Variants in NOX3 observed in about 807,000 individuals in gnomAD.
NOX3 encodes NADPH oxidase 3, also known as NADPH oxidase catalytic subunit-like 3.
Under a neutral mutation model 76.7 loss-of-function variants are expected in NOX3, and 74 were observed. That is an observed-to-expected ratio of 0.96 (90% CI 0.80 to 1.17). The LOEUF (loss-of-function observed/expected upper bound fraction) is 1.17. NOX3 is among the 50% of genes most tolerant of loss of function. The pLI is 0.00. For synonymous variants in NOX3, 263 were observed against 261.1 expected, an observed-to-expected ratio of 1.01 and a Z score of -0.07; for missense variants, 695 against 703.3, an observed-to-expected ratio of 0.99 and a Z score of 0.13.
intron 10 of NOX3, among the ~76,000 whole-genome samples, chr6:155,413,523 G>A (rs1329433874): frequency 2.6e-5 from 4 of 152,112 alleles, no homozygotes; most frequent in African/African-American, 9.7e-5. Context: ...GAGGGTGGGG[G>A]AGGAGGAAAG....
chr6:155,403,310 C>T (rs1446856280), intron 12 of NOX3, among the ~76,000 whole-genome samples: 1 of 152,188 alleles, frequency 6.6e-6, no homozygotes, highest in Non-Finnish European at 1.5e-5. Context: ...AAGCTTTTGA[C>T]CGAAGGCTTG....
intron 9 of NOX3, among the ~76,000 whole-genome samples, chr6:155,427,744 G>A (rs1776776260): frequency 6.6e-6 from 1 of 152,136 alleles, no homozygotes; most frequent in Admixed American, 6.5e-5. Context: ...TTCTTCCAGA[G>A]CCCCAAATGT....
At chr6:155,443,154 C>T in intron 5 of NOX3, 119 bp downstream of exon 5, 1 of 1,082,142 alleles carries the variant, frequency 9.2e-7, no homozygotes, top group Non-Finnish European at 1.3e-6. Flanking sequence ...AACAAATTCA[C>T]ATATAAATTC....
chr6:155,434,384 C>A (rs1776874814), intron 7 of NOX3, among the ~76,000 whole-genome samples: 1 of 152,086 alleles, frequency 6.6e-6, no homozygotes, highest in African/African-American at 2.4e-5. Flanking sequence ...CAGCAGCAAA[C>A]CAGGAATCTG....
chr6:155,445,976 AT>A (rs1464164788), intron 4 of NOX3, among the ~76,000 whole-genome samples: 18 of 77,704 alleles, frequency 2.3e-4, no homozygotes, highest in Middle Eastern at 6.0e-3. Context: ...TATAATATAT[AT>A]ATGCTATATA....
Position 155,431,551 on chromosome 6 carries a change from G to A in NOX3, c.799-616C>T, listed in dbSNP as rs556014011. Among the ~76,000 whole-genome samples, 137 of 152,158 alleles carry A rather than the reference G, an allele frequency of 9.0e-4. 1 individual carries two copies. The highest frequency in any genetic ancestry group is 3.1e-3 in the African/African-American group (129 of 41,494). On this transcript the variant is annotated intron_variant, in intron 7 of 13. Coordinates refer to ENST00000159060, the MANE Select transcript of NOX3 (RefSeq NM_015718.3). Reference sequence around the variant, plus strand: ...TAATTGTCTAGAGAATTGTGATGGTGAAAATGTCCATTTTAAACAAATCAG... The same window carrying A: ...TAATTGTCTAGAGAATTGTGATGGTAAAAATGTCCATTTTAAACAAATCAG...
intron 7 of NOX3, 88 bp downstream of exon 7, chr6:155,436,330 A>G: frequency 1.4e-6 from 2 of 1,469,478 alleles, no homozygotes; most frequent in Non-Finnish European, 1.9e-6. Context: ...TAGTGGTGAA[A>G]TGTGCTTTCT....
intron 6 of NOX3, among the ~76,000 whole-genome samples, chr6:155,438,098 C>A (rs559398169): frequency 6.6e-6 from 1 of 151,994 alleles, no homozygotes; most frequent in Admixed American, 6.6e-5. Context: ...ATGTGGGGGA[C>A]GTATGTTTAG....
intron 4 of NOX3, among the ~76,000 whole-genome samples, chr6:155,453,019 A>G (rs1250283435): frequency 1.3e-5 from 2 of 152,150 alleles, no homozygotes; most frequent in Non-Finnish European, 2.9e-5. Context: ...ATTGCCCACA[A>G]TACTATTTGA....
At position 155,428,967 on chromosome 6, in the gene NOX3, C is replaced by G. The variant is rs754981877; in HGVS notation, c.972G>C (p.Leu324Phe). The G allele has an allele frequency of 5.1e-5, 83 of 1,613,866 alleles. No homozygotes were observed. Among genetic ancestry groups the G allele is most frequent in the South Asian group, 1.8e-4 (16 of 91,052 alleles). ...GFKMAPGQYI[L>F]VQCPAISSLE... ...GCGAAGATATGGCTGGGCACTGCAC[C>G]AAGATGTACTGCCCTGGCGCCATTT... The change falls in exon 9 of 14, where the codon TTG becomes TTC. Residue 324 changes from leucine (L) to phenylalanine (F), a missense_variant. Transcript: ENST00000159060.
At chr6:155,445,990 TATATATA>T (rs1437631055) in intron 4 of NOX3, among the ~76,000 whole-genome samples, 94 of 126,984 alleles carry the variant, frequency 7.4e-4, no homozygotes, top group African/African-American at 2.6e-3. Flanking sequence ...GCTATATATA[TATATATA>T]ATATATATAT....
intron 10 of NOX3, among the ~76,000 whole-genome samples, chr6:155,414,573 A>AT (rs1340691836): frequency 2.9e-4 from 38 of 131,248 alleles, no homozygotes; most frequent in African/African-American, 8.4e-4. Flanking sequence ...TAATAAAATT[A>AT]TTTTTTTTTA....
intron 12 of NOX3, among the ~76,000 whole-genome samples, chr6:155,397,274 TC>T (rs1395599958): frequency 1.3e-5 from 2 of 152,072 alleles, no homozygotes; most frequent in Non-Finnish European, 2.9e-5. Context: ...ATGGCAGAGT[TC>T]AGTAGTTGAG....
rs968516370 is a variant in NOX3 at position 155,412,329 on chromosome 6, T to C, written c.1309-969A>G. Among the ~76,000 whole-genome samples the C allele has an allele frequency of 4.6e-5, 7 of 152,192 alleles. No homozygotes were observed. In the South Asian group the frequency reaches 1.0e-3, roughly 23 times the overall value. On this transcript the variant is annotated intron_variant, in intron 10 of 13. Coordinates refer to ENST00000159060, the MANE Select transcript of NOX3 (RefSeq NM_015718.3). ...GCCAGCTTGTAAGCTCACGATCATATAATCAGAGATATAAATGAGATTTAA... is the reference window on the plus strand; with the variant it reads ...GCCAGCTTGTAAGCTCACGATCATACAATCAGAGATATAAATGAGATTTAA...
chr6:155,422,183 C>T (rs1337199952), intron 10 of NOX3, among the ~76,000 whole-genome samples: 1 of 152,094 alleles, frequency 6.6e-6, no homozygotes, highest in African/African-American at 2.4e-5. Flanking sequence ...GAAAGAAATT[C>T]TAGAGGCATC....
At chr6:155,442,383 G>A (rs1458806016) in intron 5 of NOX3, among the ~76,000 whole-genome samples, 2 of 152,220 alleles carry the variant, frequency 1.3e-5, no homozygotes, top group Non-Finnish European at 2.9e-5. Flanking sequence ...TGGAACAAGT[G>A]TCCCAAAACC....
chr6:155,406,714 C>T (rs555783040), intron 12 of NOX3, among the ~76,000 whole-genome samples: 2 of 152,312 alleles, frequency 1.3e-5, no homozygotes, highest in Non-Finnish European at 2.9e-5. Flanking sequence ...CAGCCAGATG[C>T]TGGGTTCTTA....
chr6:155,420,931 C>A (rs565265784), intron 10 of NOX3, among the ~76,000 whole-genome samples: 12 of 152,242 alleles, frequency 7.9e-5, no homozygotes, highest in Admixed American at 3.9e-4. Context: ...TATTATTTGT[C>A]TTATTTAGCA....
chr6:155,414,634 T>C (rs1277204396), intron 10 of NOX3, among the ~76,000 whole-genome samples: 1 of 142,174 alleles, frequency 7.0e-6, no homozygotes, highest in African/African-American at 2.6e-5. Context: ...TTTTTTTTTT[T>C]TTTTTTTTTT....
Sources: gnomAD v4.1 joint callset for allele counts (sites outside exome capture counted in the v4.1 genomes callset) on GRCh38, gnomAD v4.1.1 for gene constraint, MANE v1.5 for transcripts, NCBI Gene and HGNC (gene_info 2026-07-23, HGNC 2026-07-21) for gene names.